Variants in BST1 observed in about 807,000 individuals in gnomAD.
The protein encoded by BST1 is bone marrow stromal cell antigen 1.
Under a neutral mutation model 40.6 loss-of-function variants are expected in BST1, and 49 were observed. The ratio of observed to expected loss-of-function variants is 1.21; its 90% CI spans 0.96 to 1.53. The LOEUF is 1.53. Among genes scored for constraint, BST1 ranks in the 40% most tolerant of loss-of-function variants. BST1 has a pLI of 0.00. For synonymous variants in BST1, 157 were observed against 159.3 expected (o/e 0.99, Z 0.11); for missense variants, 423 against 395.9 (o/e 1.07, Z -0.58).
In BST1 at chr4:15,703,300, C is replaced by G. The variant is rs1046878604; in HGVS notation, c.156C>G (p.Ala52=). Residue 52 remains alanine, a synonymous_variant, in exon 1 of 9, where the codon GCC becomes GCG. Transcript: ENST00000265016. ...HLRDIFLGRC[A]EYRALLSPEQ... is the part of the protein sequence containing the mutation. Reference sequence around the variant, plus strand: ...GGGACATCTTCCTGGGCCGCTGCGCCGAGTACCGCGCACTGCTGAGTCCCG... The same window carrying G: ...GGGACATCTTCCTGGGCCGCTGCGCGGAGTACCGCGCACTGCTGAGTCCCG... 4 of 1,528,766 alleles carry G rather than the reference C, an allele frequency of 2.6e-6. No homozygotes were observed. The highest frequency in any genetic ancestry group is 3.5e-6 in the Non-Finnish European group (4 of 1,144,472). The allele number at this position is 1,528,766 out of a possible 1,614,324, so 94.7% of individuals were successfully genotyped here.
At chr4:15,719,720 G>A (rs918122851) in intron 7 of BST1, among the ~76,000 whole-genome samples, 1 of 152,100 alleles carries the variant, frequency 6.6e-6, no homozygotes, top group Admixed American at 6.5e-5. Flanking sequence ...GTCTTTTGTT[G>A]CCTAACACCC....
At chr4:15,715,435 A>C in intron 5 of BST1, 74 bp downstream of exon 5, 1 of 1,477,946 alleles carries the variant, frequency 6.8e-7, no homozygotes, top group Non-Finnish European at 9.4e-7. Context: ...ATAGAGGCTA[A>C]AGAAAATTAT....
At chr4:15,737,805 A>G (rs4320134) in exon 7 of BST1, 16 of 1,278,060 alleles carry the variant, frequency 1.3e-5, no homozygotes, top group African/African-American at 1.5e-5. Flanking sequence ...GGGAACCATG[A>G]TGGGGAAGAT....
At chr4:15,737,919 G>A (rs549803080) in exon 7 of BST1, 1 of 724,376 alleles carries the variant, frequency 1.4e-6, no homozygotes, top group East Asian at 6.5e-5. Flanking sequence ...TTGCATGCCT[G>A]CCTAGTCCAG....
downstream of BST1, among the ~76,000 whole-genome samples, chr4:15,733,803 C>T (rs1352357343): frequency 3.3e-5 from 5 of 152,170 alleles, no homozygotes; most frequent in Admixed American, 2.0e-4. Flanking sequence ...TCACCTCCCA[C>T]CAGACCCCAC....
Position 15,731,995 on chromosome 4 carries a change from A to C in BST1, c.*150A>C, listed in dbSNP as rs1484257210. The stretch of plus-strand genomic sequence containing the variant: ...CCTGAAAATGGTATTTCAATGAGGC[A>C]TATGTTCAGGATTTCAGAAACAAGA... On this transcript the variant is annotated 3_prime_UTR_variant, in exon 9 of 9. Coordinates refer to ENST00000265016, the MANE Select transcript of BST1 (RefSeq NM_004334.3). 7.3e-7 allele frequency: 1 copy of C among 1,377,192 alleles called. No individual in the cohort carries two copies. Among genetic ancestry groups the C allele is most frequent in the Non-Finnish European group, 9.4e-7 (1 of 1,062,442 alleles). 85.3% of individuals were successfully genotyped at this position (1,377,192 alleles called of 1,614,324 possible). A position where few individuals can be genotyped will look rare whatever the true frequency, so the allele number is the denominator to read the frequency against.
At chr4:15,764,697 C>A in the BST1 span, among the ~76,000 whole-genome samples, 1 of 151,888 alleles carries the variant, frequency 6.6e-6, no homozygotes, top group African/African-American at 2.4e-5. Context: ...TGGAGAGCTA[C>A]CTGTTGCTTT....
chr4:15,743,937 G>A, the BST1 span, among the ~76,000 whole-genome samples: 1 of 152,174 alleles, frequency 6.6e-6, no homozygotes, highest in Non-Finnish European at 1.5e-5. Flanking sequence ...TTGAGCCAAG[G>A]GATGGGAATG....
intron 5 of BST1, 127 bp downstream of exon 5, chr4:15,715,488 G>A: frequency 9.8e-7 from 1 of 1,022,940 alleles, no homozygotes; most frequent in East Asian, 2.6e-5. Flanking sequence ...TTCAGGTAAA[G>A]CAAAACAGAT....
the BST1 span, among the ~76,000 whole-genome samples, chr4:15,763,586 T>C: frequency 1.3e-5 from 2 of 152,022 alleles, no homozygotes; most frequent in African/African-American, 4.8e-5. Context: ...TGATTACTAA[T>C]TATTTAGTAA....
chr4:15,723,029 CA>C, intron 8 of BST1, 95 bp downstream of exon 8: 1 of 1,148,268 alleles, frequency 8.7e-7, no homozygotes, highest in South Asian at 1.3e-5. Flanking sequence ...TTATCAGAGG[CA>C]GATGTAAGTG....
intron 4 of BST1, 142 bp from the exon 5 acceptor site, chr4:15,715,143 G>T: frequency 1.4e-6 from 1 of 695,612 alleles, no homozygotes; most frequent in Non-Finnish European, 2.4e-6. Context: ...AAACCAGTTT[G>T]CATTTCTACT....
chr4:15,703,774 T>G (rs2148874450), intron 1 of BST1, among the ~76,000 whole-genome samples: 4 of 107,780 alleles, frequency 3.7e-5, no homozygotes, highest in East Asian at 5.8e-4. Context: ...GTTCTAAAGG[T>G]GAGATGTGTG....
chr4:15,739,544 G>C (rs983786554), downstream of BST1, among the ~76,000 whole-genome samples: 2 of 140,286 alleles, frequency 1.4e-5, no homozygotes, highest in African/African-American at 5.2e-5. Flanking sequence ...TGCATGTTAA[G>C]AAGCCAAACC....
intron 4 of BST1, among the ~76,000 whole-genome samples, chr4:15,713,426 C>T (rs958588625): frequency 6.6e-6 from 1 of 152,028 alleles, no homozygotes; most frequent in African/African-American, 2.4e-5. Flanking sequence ...CCTCATAATC[C>T]ACCCGCCTCA....
the BST1 span, among the ~76,000 whole-genome samples, chr4:15,764,732 C>T: frequency 1.3e-5 from 2 of 151,910 alleles, no homozygotes; most frequent in Non-Finnish European, 2.9e-5. Flanking sequence ...TGGGCCTCCA[C>T]CCCCAAGATC....
At chr4:15,762,347 A>G in the BST1 span, among the ~76,000 whole-genome samples, 3 of 151,666 alleles carry the variant, frequency 2.0e-5, no homozygotes, top group Non-Finnish European at 4.4e-5. Context: ...GGTAAGTAAA[A>G]ACATAATTTT....
At chr4:15,750,906 T>C in the BST1 span, among the ~76,000 whole-genome samples, 1 of 152,204 alleles carries the variant, frequency 6.6e-6, no homozygotes, top group African/African-American at 2.4e-5. Context: ...GAATAAATTA[T>C]CAGGTGGTCC....
intron 8 of BST1, among the ~76,000 whole-genome samples, chr4:15,726,389 T>C (rs766573737): frequency 6.6e-6 from 1 of 152,130 alleles, no homozygotes; most frequent in Non-Finnish European, 1.5e-5. Context: ...TGGAAAGGCA[T>C]AGATTTAAGA....
Sources: allele counts gnomAD v4.1 joint callset (sites outside exome capture counted in the v4.1 genomes callset), GRCh38; gene constraint gnomAD v4.1.1; transcripts MANE v1.5; gene names NCBI Gene and HGNC (gene_info 2026-07-23, HGNC 2026-07-21).